Variants in PTPRF observed in about 807,000 individuals in gnomAD.
PTPRF encodes receptor-type tyrosine-protein phosphatase F.
In PTPRF, 59 loss-of-function variants were observed where a neutral mutation model predicts 201.8. That is an observed-to-expected ratio of 0.29 (90% CI 0.24 to 0.36). PTPRF has a LOEUF of 0.36. Ranked by LOEUF, PTPRF falls within the 10% of genes least tolerant of loss-of-function variation. The pLI is 1.00. For missense variants in PTPRF, 2,132 were observed against 2,690.5 expected (o/e 0.79, Z 4.59); for synonymous variants, 1,088 against 1,089.7 (o/e 1.00, Z 0.03).
At chr1:43,576,745 T>G (rs1192648995) in intron 6 of PTPRF, among the ~76,000 whole-genome samples, 1 of 152,218 alleles carries the variant, frequency 6.6e-6, no homozygotes, top group Non-Finnish European at 1.5e-5. Flanking sequence ...GGATGTGTAG[T>G]GTCTGGCGCA....
intron 1 of PTPRF, among the ~76,000 whole-genome samples, chr1:43,531,969 A>G (rs1557650909): frequency 6.6e-6 from 1 of 151,800 alleles, no homozygotes; most frequent in Non-Finnish European, 1.5e-5. Context: ...GGGTCTCTCC[A>G]GCTGTCTCCA....
In PTPRF at chr1:43,597,873, G is replaced by A. The variant is rs770367017; in HGVS notation, c.1939G>A (p.Glu647Lys). The stretch of plus-strand genomic sequence containing the variant: ...TATCACCCAGTACTCCGTGGCCTAC[G>A]AGGCGGTGGACGGCGAGGACCGCGG... Reference protein sequence around the residue: ...GVITQYSVAYEAVDGEDRGRH... With the variant: ...GVITQYSVAYKAVDGEDRGRH... The change falls in exon 12 of 34, where the codon GAG (glutamate) becomes AAG (lysine). Residue 647 changes from glutamate (E) to lysine (K), a missense_variant. Glu to Lys is a moderately conservative substitution (Grantham distance 56). Coordinates refer to ENST00000359947, the MANE Select transcript of PTPRF (RefSeq NM_002840.5). 6.2e-6 allele frequency: 10 copies of A among 1,608,398 alleles called. No individual in the cohort carries two copies. In the East Asian group the frequency reaches 9.0e-5, roughly 14 times the overall value.
chr1:43,587,828 C>T (rs1019421071), intron 7 of PTPRF, among the ~76,000 whole-genome samples: 2 of 152,226 alleles, frequency 1.3e-5, no homozygotes, highest in Non-Finnish European at 2.9e-5. Flanking sequence ...CCTCTGCATG[C>T]TCCTGTGTCT....
intron 2 of PTPRF, among the ~76,000 whole-genome samples, chr1:43,543,689 C>T (rs558491505): frequency 6.6e-6 from 1 of 152,322 alleles, no homozygotes; most frequent in Admixed American, 6.5e-5. Context: ...ACCTTTGAGC[C>T]CTGCCCATTC....
chr1:43,522,879 C>G (rs1011206624), upstream of PTPRF, among the ~76,000 whole-genome samples: 7 of 152,182 alleles, frequency 4.6e-5, no homozygotes, highest in African/African-American at 1.7e-4. Context: ...TAATCCAGCC[C>G]CATGTAAGCC....
At position 43,617,484 on chromosome 1, in the gene PTPRF, A is replaced by T; in HGVS notation, c.4111A>T (p.Asn1371Tyr). 2 of 1,614,140 alleles carry T rather than the reference A, an allele frequency of 1.2e-6. No individual in the cohort carries two copies. The highest frequency in any genetic ancestry group is 1.7e-6 in the Non-Finnish European group (2 of 1,180,012). The part of the protein sequence containing the change: ...PGQQFTWENS[N>Y]LEVNKPKNRY... ...ACAGCAGTTCACGTGGGAGAATTCA[A>T]ACCTGGAGGTGAACAAGCCCAAGAA... Residue 1371 changes from asparagine to tyrosine, a missense_variant, in exon 24 of 34, where the codon AAC becomes TAC. Around this residue, in one of 6 missense-constraint regions of PTPRF, gnomAD observed 818 missense variants for 915.3 expected, o/e 0.89. Transcript: ENST00000359947.
upstream of PTPRF, among the ~76,000 whole-genome samples, chr1:43,530,101 A>G (rs973791308): frequency 1.3e-5 from 2 of 151,994 alleles, no homozygotes; most frequent in African/African-American, 4.8e-5. This position sits in a 1 kb window ranked among gnomAD's most constrained non-coding sequence, Gnocchi z 4.1. Flanking sequence ...GGGTTGGTTT[A>G]GGGTCCTAAA....
chr1:43,557,291 G>T (rs1480528196), intron 5 of PTPRF, among the ~76,000 whole-genome samples: 1 of 152,242 alleles, frequency 6.6e-6, no homozygotes, highest in Admixed American at 6.5e-5. Context: ...AAGGGTTGAG[G>T]AGGATGGAGG....
chr1:43,561,839 T>G (rs1336466287), intron 5 of PTPRF, among the ~76,000 whole-genome samples: 1 of 152,160 alleles, frequency 6.6e-6, no homozygotes, highest in Non-Finnish European at 1.5e-5. Context: ...GAATGGGTGC[T>G]CCTGTTTAGT....
At chr1:43,533,200 T>C (rs1357235474) in intron 1 of PTPRF, among the ~76,000 whole-genome samples, 1 of 152,188 alleles carries the variant, frequency 6.6e-6, no homozygotes, top group Non-Finnish European at 1.5e-5. Flanking sequence ...CTCCCTTTCT[T>C]CCTTCTTCTT....
intron 11 of PTPRF, among the ~76,000 whole-genome samples, chr1:43,596,484 T>A (rs1414784251): frequency 2.6e-5 from 4 of 152,046 alleles, no homozygotes; most frequent in African/African-American, 9.7e-5. Flanking sequence ...GACACATCAC[T>A]GGACACAAGG....
intron 2 of PTPRF, among the ~76,000 whole-genome samples, chr1:43,541,272 A>T (rs147876900): frequency 4.6e-5 from 7 of 152,190 alleles, no homozygotes; most frequent in African/African-American, 1.7e-4. Context: ...AAACAAATCA[A>T]TCTGTGTTTG....
chr1:43,534,024 G>A (rs1473843811), intron 1 of PTPRF, among the ~76,000 whole-genome samples: 1 of 152,128 alleles, frequency 6.6e-6, no homozygotes, highest in Non-Finnish European at 1.5e-5. Flanking sequence ...CAAGAGACGG[G>A]GGAGAGTTCG....
chr1:43,570,571 G>A (rs1243672818), intron 6 of PTPRF, among the ~76,000 whole-genome samples: 1 of 152,278 alleles, frequency 6.6e-6, no homozygotes, highest in African/African-American at 2.4e-5. Context: ...CTGCCTGTCA[G>A]TTGTGATGTC....
Position 43,622,008 on chromosome 1 carries a change from C to G in PTPRF, c.*5C>G, listed in dbSNP as rs369551279. On this transcript the variant is annotated 3_prime_UTR_variant, in exon 34 of 34. Coordinates refer to ENST00000359947, the MANE Select transcript of PTPRF (RefSeq NM_002840.5). ...TTTGACCACTATGCAACGTAACTAC[C>G]GCTCCCCTCTCCTCCGCCACCCCCG... The G allele has an allele frequency of 1.5e-5, 25 of 1,613,794 alleles. No homozygotes were observed. Among genetic ancestry groups the G allele is most frequent in the Non-Finnish European group, 2.1e-5 (25 of 1,179,870 alleles).
chr1:43,605,678 C>T (rs548732168), intron 19 of PTPRF, 56 bp downstream of exon 19: 9 of 1,503,798 alleles, frequency 6.0e-6, no homozygotes, highest in African/African-American at 5.5e-5. Context: ...TCAGCTGTGG[C>T]CTTCCTGCCC....
rs144422463 is a variant in PTPRF at position 43,569,138 on chromosome 1, G to A, written c.380-452G>A. 2.8e-3 allele frequency among the ~76,000 whole-genome samples: 427 copies of A among 152,274 alleles called. 6 individuals carry two copies. The East Asian group carries it at 0.053, about 19-fold the overall frequency. The stretch of plus-strand genomic sequence containing the variant: ...TGGATGAAGGGAACACTGTGTGTGC[G>A]GACAGGGGAGAGGGGGCTGGACAGC... On this transcript the variant is annotated intron_variant, in intron 5 of 33. Transcript: ENST00000359947.
At chr1:43,558,742 C>G (rs1245518811) in intron 5 of PTPRF, among the ~76,000 whole-genome samples, 3 of 152,162 alleles carry the variant, frequency 2.0e-5, no homozygotes, top group Non-Finnish European at 4.4e-5. Context: ...TTTCCCTCAC[C>G]AGGGAGGGGG....
At chr1:43,544,378 C>G (rs918574182) in intron 2 of PTPRF, among the ~76,000 whole-genome samples, 1 of 152,186 alleles carries the variant, frequency 6.6e-6, no homozygotes, top group African/African-American at 2.4e-5. Context: ...AGCAGCTTGT[C>G]AAGAGCACGT....
Sources: gnomAD v4.1 joint callset for allele counts (sites outside exome capture counted in the v4.1 genomes callset) on GRCh38, gnomAD v4.1.1 for gene constraint, gnomAD v4.1.1 regional missense constraint, Gnocchi (gnomAD v3.1) non-coding constraint, MANE v1.5 for transcripts, NCBI Gene and HGNC (gene_info 2026-07-23, HGNC 2026-07-21) for gene names.